The following CACNA2D3 variants were observed in gnomAD, a reference collection of about 807,000 sequenced individuals.
The protein encoded by CACNA2D3 is voltage-dependent calcium channel subunit alpha-2/delta-3.
In CACNA2D3, 60 loss-of-function variants were observed where a neutral mutation model predicts 160.6. The ratio of observed to expected loss-of-function variants is 0.37; its 90% CI spans 0.30 to 0.46. The LOEUF (loss-of-function observed/expected upper bound fraction) is 0.46, where lower values mean the gene tolerates loss of function less well. Among genes scored for constraint, CACNA2D3 ranks in the 20% least tolerant of loss-of-function variants. The probability of loss-of-function intolerance (pLI) is 1.00; values close to 1 mark genes in which losing one functional copy is unlikely to be tolerated. For synonymous variants in CACNA2D3, 558 were observed against 492.9 expected (o/e 1.13, Z -1.75); for missense variants, 1,205 against 1,365.0 (o/e 0.88, Z 1.85).
chr3:55,036,176 G>C (rs747349306), intron 35 of CACNA2D3, among the ~76,000 whole-genome samples: 64 of 152,310 alleles, frequency 4.2e-4, no homozygotes, highest in Admixed American at 1.3e-3. Flanking sequence ...ACCAGGTGCA[G>C]TGGCTCCCAC....
intron 24 of CACNA2D3, 121 bp from the exon 25 acceptor site, chr3:54,891,234 C>A: frequency 3.0e-5 from 14 of 465,532 alleles, no homozygotes; most frequent in East Asian, 1.4e-4. Context: ...TCTGTATCTT[C>A]TTTTAAAGTT....
rs559492121 is a variant in CACNA2D3 at position 55,050,122 on chromosome 3, A to T, written c.2988-23323A>T. On this transcript the variant is annotated intron_variant, in intron 35 of 37. Coordinates refer to ENST00000474759, the MANE Select transcript of CACNA2D3 (RefSeq NM_018398.3). ...ATTTACATTTAAAGTTAATATTGTT[A>T]TGTATGAATTTGATCCTGTCATTTT... Among the ~76,000 whole-genome samples, 12 of 151,354 alleles carry T rather than the reference A, an allele frequency of 7.9e-5. No homozygotes were observed. In the South Asian group the frequency reaches 2.3e-3, roughly 29 times the overall value.
chr3:54,756,990 A>G (rs2107079193), intron 12 of CACNA2D3, among the ~76,000 whole-genome samples: 1 of 152,296 alleles, frequency 6.6e-6, no homozygotes, highest in Non-Finnish European at 1.5e-5. Flanking sequence ...CATTAAAACA[A>G]TCATTACCAC....
In CACNA2D3 at chr3:54,940,009, G is replaced by A. The variant is rs530010961; in HGVS notation, c.2450-28441G>A. On this transcript the variant is annotated intron_variant, in intron 27 of 37. Coordinates refer to ENST00000474759, the MANE Select transcript of CACNA2D3 (RefSeq NM_018398.3). ...TGCCTCTAGGACTCCCATCTGAGCAGATGAGCATCTCAGAAAGAGGGGTGG... is the reference window on the plus strand; with the variant it reads ...TGCCTCTAGGACTCCCATCTGAGCAAATGAGCATCTCAGAAAGAGGGGTGG... 4.6e-5 allele frequency among the ~76,000 whole-genome samples: 7 copies of A among 152,240 alleles called. 1 individual carries two copies. Among genetic ancestry groups the A allele is most frequent in the African/African-American group, 1.7e-4 (7 of 41,522 alleles).
chr3:54,836,116 CTG>C (rs980432517), intron 14 of CACNA2D3, among the ~76,000 whole-genome samples: 1 of 151,722 alleles, frequency 6.6e-6, no homozygotes, highest in Admixed American at 6.6e-5. Flanking sequence ...TCTCCCAACA[CTG>C]TGTAAAAAGC....
intron 5 of CACNA2D3, among the ~76,000 whole-genome samples, chr3:54,524,774 A>G (rs1417525489): frequency 6.6e-6 from 1 of 152,056 alleles, no homozygotes; most frequent in Non-Finnish European, 1.5e-5. Context: ...TTGTTTTAAA[A>G]TCTATTTGTC....
intron 2 of CACNA2D3, among the ~76,000 whole-genome samples, chr3:54,192,595 T>C (rs576009901): frequency 7.2e-5 from 11 of 152,296 alleles, no homozygotes; most frequent in African/African-American, 2.4e-4. Flanking sequence ...GTCTGTTTTT[T>C]TCTCCTGTAA....
intron 8 of CACNA2D3, among the ~76,000 whole-genome samples, chr3:54,574,598 T>G (rs569726367): frequency 6.6e-6 from 1 of 152,282 alleles, no homozygotes; most frequent in South Asian, 2.1e-4. Flanking sequence ...AATTTTAAGG[T>G]CAAACCACTG....
At chr3:54,152,055 C>T (rs1258502005) in intron 2 of CACNA2D3, among the ~76,000 whole-genome samples, 3 of 151,912 alleles carry the variant, frequency 2.0e-5, no homozygotes, top group African/African-American at 7.3e-5. Flanking sequence ...ACTATGATCC[C>T]GGTCTACACC....
Position 55,074,501 on chromosome 3 carries a change from C to A in CACNA2D3, c.*295C>A. The A allele has an allele frequency of 2.9e-6, 1 of 343,672 alleles. No homozygotes were observed. Among genetic ancestry groups the A allele is most frequent in the Non-Finnish European group, 5.3e-6 (1 of 187,260 alleles). The allele number at this position is 343,672 out of a possible 1,614,324, so 21.3% of individuals were successfully genotyped here. A position where few individuals can be genotyped will look rare whatever the true frequency, so the allele number is the denominator to read the frequency against. ...AGGCAGTGTCCCTTCTGCTTGAAAC[C>A]TATTGAAACCAATTTAAAACTGTGT... On this transcript the variant is annotated 3_prime_UTR_variant, in exon 38 of 38. Transcript: ENST00000474759.
At chr3:54,361,602 C>A (rs976251658) in intron 3 of CACNA2D3, among the ~76,000 whole-genome samples, 1 of 152,190 alleles carries the variant, frequency 6.6e-6, no homozygotes, top group Non-Finnish European at 1.5e-5. Flanking sequence ...GCACCTATTG[C>A]AGCTAAAGAA....
At position 54,240,216 on chromosome 3, in the gene CACNA2D3, T is replaced by TTTGTTG. The variant is rs10586077; in HGVS notation, c.205-80210_205-80205dup. Among the ~76,000 whole-genome samples, 7 of 151,626 alleles carry TTTGTTG rather than the reference T, an allele frequency of 4.6e-5. No individual in the cohort carries two copies. The South Asian group carries it at 1.5e-3, about 32-fold the overall frequency. The stretch of plus-strand genomic sequence containing the variant: ...TGGTGATGGTCATATTAGGTGTATT[T>TTTGTTG]TTGTTGTTGTTGTTGTTGTTGAAGT... On this transcript the variant is annotated intron_variant, in intron 2 of 37. Coordinates refer to ENST00000474759, the MANE Select transcript of CACNA2D3 (RefSeq NM_018398.3).
At chr3:54,539,196 G>A (rs1362611960) in intron 5 of CACNA2D3, among the ~76,000 whole-genome samples, 1 of 152,158 alleles carries the variant, frequency 6.6e-6, no homozygotes, top group Non-Finnish European at 1.5e-5. Context: ...GCCTTCTATG[G>A]CTTCAGTTTC....
At chr3:54,349,950 G>T (rs1019561254) in intron 3 of CACNA2D3, among the ~76,000 whole-genome samples, 1 of 152,186 alleles carries the variant, frequency 6.6e-6, no homozygotes, top group Non-Finnish European at 1.5e-5. Context: ...TGGACAGAGG[G>T]CCCATTGGTT....
intron 27 of CACNA2D3, among the ~76,000 whole-genome samples, chr3:54,923,995 G>T (rs899511649): frequency 2.6e-5 from 4 of 152,214 alleles, no homozygotes; most frequent in Admixed American, 6.5e-5. Flanking sequence ...ATGGGCTGTG[G>T]CCCTGGGGCT....
chr3:54,357,629 A>G (rs1698672154), intron 3 of CACNA2D3, among the ~76,000 whole-genome samples: 1 of 152,264 alleles, frequency 6.6e-6, no homozygotes, highest in African/African-American at 2.4e-5. Flanking sequence ...TGTTTATAGC[A>G]GACTTACTCA....
At chr3:54,301,266 A>AAACAAAC (rs1553787136) in intron 2 of CACNA2D3, among the ~76,000 whole-genome samples, 1 of 150,352 alleles carries the variant, frequency 6.7e-6, no homozygotes, top group Non-Finnish European at 1.5e-5. Flanking sequence ...CAAAACAAAC[A>AAACAAAC]AACAACAACA....
At chr3:54,921,858 G>A (rs1417694424) in intron 27 of CACNA2D3, among the ~76,000 whole-genome samples, 1 of 151,554 alleles carries the variant, frequency 6.6e-6, no homozygotes, top group Admixed American at 6.6e-5. Context: ...GGGCTAGTCT[G>A]TTATGTCGGT....
rs144339955 is a variant in CACNA2D3 at position 54,330,492 on chromosome 3, A to G, written c.321+9934A>G. On this transcript the variant is annotated intron_variant, in intron 3 of 37. Coordinates refer to ENST00000474759, the MANE Select transcript of CACNA2D3 (RefSeq NM_018398.3). ...GAGCAGGAGTCTTCCTACCTCAAGCAGGTGTTTCTGCAGACACTGGAAGAC... is the reference window on the plus strand; with the variant it reads ...GAGCAGGAGTCTTCCTACCTCAAGCGGGTGTTTCTGCAGACACTGGAAGAC... 1.3e-3 allele frequency among the ~76,000 whole-genome samples: 205 copies of G among 152,264 alleles called. 2 individuals are homozygous for G. Among genetic ancestry groups the G allele is most frequent in the African/African-American group, 4.6e-3 (191 of 41,548 alleles).
Sources: allele counts gnomAD v4.1 joint callset (sites outside exome capture counted in the v4.1 genomes callset), GRCh38; gene constraint gnomAD v4.1.1; transcripts MANE v1.5; gene names NCBI Gene and HGNC (gene_info 2026-07-23, HGNC 2026-07-21).